The following LHFPL3 variants were observed in gnomAD, a reference collection of about 807,000 sequenced individuals.
LHFPL3 encodes the protein LHFPL tetraspan subfamily member 3.
Under a neutral mutation model 19.3 loss-of-function variants are expected in LHFPL3, and 5 were observed. The ratio of observed to expected loss-of-function variants is 0.26; its 90% confidence interval spans 0.14 to 0.54. LHFPL3 has a LOEUF of 0.54. Ranked by LOEUF, LHFPL3 falls within the 20% of genes least tolerant of loss-of-function variation. The pLI is 0.94. For missense variants in LHFPL3, 249 were observed against 307.4 expected, an observed-to-expected ratio of 0.81 and a Z score of 1.42; for synonymous variants, 133 against 126.2, an observed-to-expected ratio of 1.05 and a Z score of -0.36.
chr7:104,533,631 C>T (rs76368962), intron 1 of LHFPL3, among the ~76,000 whole-genome samples: 1 of 152,216 alleles, frequency 6.6e-6, no homozygotes, highest in African/African-American at 2.4e-5. Flanking sequence ...TCTTGACCAA[C>T]TCACCCAGGC....
intron 1 of LHFPL3, among the ~76,000 whole-genome samples, chr7:104,704,236 C>T (rs1793148294): frequency 6.6e-6 from 1 of 152,132 alleles, no homozygotes; most frequent in African/African-American, 2.4e-5. Flanking sequence ...TTTTTCATAG[C>T]ACCAGTTGTT....
intron 1 of LHFPL3, among the ~76,000 whole-genome samples, chr7:104,491,719 T>C (rs1342157985): frequency 6.6e-6 from 1 of 152,202 alleles, no homozygotes; most frequent in Non-Finnish European, 1.5e-5. Context: ...TGCACAGAAT[T>C]ATAAAAGCAC....
chr7:104,347,164 C>T (rs1014741086), intron 1 of LHFPL3, among the ~76,000 whole-genome samples: 15 of 152,078 alleles, frequency 9.9e-5, no homozygotes, highest in Admixed American at 7.9e-4. Flanking sequence ...GACAGGCAAT[C>T]CCAGAAAGAA....
intron 2 of LHFPL3, among the ~76,000 whole-genome samples, chr7:104,815,713 C>G (rs552854979): frequency 2.0e-5 from 3 of 152,296 alleles, no homozygotes; most frequent in Admixed American, 2.0e-4. Context: ...CAGATCTCCC[C>G]TGTGCCTACC....
chr7:104,744,080 A>C (rs1240342715), intron 2 of LHFPL3: 3 of 151,304 alleles, frequency 2.0e-5, no homozygotes, highest in African/African-American at 7.3e-5. Flanking sequence ...GCGAAGTCCT[A>C]GGCCCAAGGG....
At chr7:104,527,368 G>C (rs897091622) in intron 1 of LHFPL3, among the ~76,000 whole-genome samples, 1 of 152,142 alleles carries the variant, frequency 6.6e-6, no homozygotes, top group African/African-American at 2.4e-5. Context: ...CCAAGTAGGA[G>C]CTAAATAATT....
rs188515806 is a variant in LHFPL3 at position 104,901,389 on chromosome 7, T to C, written c.683-4798T>C. Among the ~76,000 whole-genome samples, 523 of 152,262 alleles carry C rather than the reference T, an allele frequency of 3.4e-3. 3 individuals carry two copies. The highest frequency in any genetic ancestry group is 0.012 in the African/African-American group (506 of 41,542). On this transcript the variant is annotated intron_variant, in intron 2 of 2. Coordinates refer to ENST00000424859, the MANE Select transcript of LHFPL3 (RefSeq NM_199000.3). ...ACTTCTGCATGCCCTGGGGTTTCTG[T>C]TGCGTGGTGGTGTCATGCAGTAGGA...
intron 2 of LHFPL3, among the ~76,000 whole-genome samples, chr7:104,755,555 CTT>C (rs1208563645): frequency 6.6e-6 from 1 of 150,492 alleles, no homozygotes; most frequent in African/African-American, 2.4e-5. Context: ...CTCTGTCTCT[CTT>C]TCTCTCCCCC....
chr7:104,420,500 G>A (rs1438966566), intron 1 of LHFPL3, among the ~76,000 whole-genome samples: 1 of 151,600 alleles, frequency 6.6e-6, no homozygotes, highest in Non-Finnish European at 1.5e-5. Context: ...GAAAATGGAA[G>A]ACAGTGATTT....
At chr7:104,564,851 G>A (rs1348127326) in intron 1 of LHFPL3, among the ~76,000 whole-genome samples, 2 of 152,134 alleles carry the variant, frequency 1.3e-5, no homozygotes, top group East Asian at 1.9e-4. Context: ...GATTCACATG[G>A]GGTTGAGAGA....
intron 1 of LHFPL3, among the ~76,000 whole-genome samples, chr7:104,549,329 G>A (rs542586043): frequency 1.3e-5 from 2 of 151,500 alleles, no homozygotes; most frequent in South Asian, 2.1e-4. Flanking sequence ...TCAGTGTTAC[G>A]CACATGGTAA....
At chr7:104,537,123 G>T (rs1237287803) in intron 1 of LHFPL3, among the ~76,000 whole-genome samples, 1 of 152,178 alleles carries the variant, frequency 6.6e-6, no homozygotes, top group African/African-American at 2.4e-5. Flanking sequence ...TAGTCCATCT[G>T]TTGAAGTGGG....
chr7:104,542,536 C>A (rs1794505512), intron 1 of LHFPL3, among the ~76,000 whole-genome samples: 1 of 151,982 alleles, frequency 6.6e-6, no homozygotes, highest in Non-Finnish European at 1.5e-5. Flanking sequence ...GCTCTGATAC[C>A]CAATTCTATT....
intron 1 of LHFPL3, among the ~76,000 whole-genome samples, chr7:104,649,573 G>A (rs1791992275): frequency 6.6e-6 from 1 of 152,202 alleles, no homozygotes; most frequent in Non-Finnish European, 1.5e-5. Context: ...CAGGAGACCA[G>A]CCCAGAGAGG....
chr7:104,669,489 A>G (rs1792429219), intron 1 of LHFPL3: 1 of 1,612,062 alleles, frequency 6.2e-7, no homozygotes, highest in Non-Finnish European at 8.5e-7. Flanking sequence ...AGGAAAATCC[A>G]GCTTCCAAGT....
intron 2 of LHFPL3, among the ~76,000 whole-genome samples, chr7:104,783,649 AC>A (rs1789855088): frequency 6.6e-6 from 1 of 152,228 alleles, no homozygotes; most frequent in African/African-American, 2.4e-5. Flanking sequence ...AGGATACCTA[AC>A]TACAAAAGAC....
At position 104,606,866 on chromosome 7, in the gene LHFPL3, A is replaced by G. The variant is rs148073991; in HGVS notation, c.446-129809A>G. On this transcript the variant is annotated intron_variant, in intron 1 of 2. Transcript: ENST00000424859. ...AAGGTGTGGAAAATGGTCCTCAGGC[A>G]CTGAGTCCGTCTCTGGGTGAGGCTA... Among the ~76,000 whole-genome samples, 917 of 152,228 alleles carry G rather than the reference A, an allele frequency of 6.0e-3. 9 individuals carry two copies. The highest frequency in any genetic ancestry group is 0.02 in the African/African-American group (830 of 41,518).
At position 104,418,699 on chromosome 7, in the gene LHFPL3, C is replaced by T. The variant is rs141967055; in HGVS notation, c.445+89475C>T. ...AAGTCACTGCAGAGCATAATGAGTC[C>T]AGAAGACTCAGAGAAGGGTCAGGTT... is the stretch of plus-strand genomic sequence containing the variant. On this transcript the variant is annotated intron_variant, in intron 1 of 2. Coordinates refer to ENST00000424859, the MANE Select transcript of LHFPL3 (RefSeq NM_199000.3). Among the ~76,000 whole-genome samples the T allele has an allele frequency of 3.5e-3, 540 of 152,226 alleles. 2 individuals are homozygous for T. Among genetic ancestry groups the T allele is most frequent in the African/African-American group, 0.012 (509 of 41,530 alleles).
intron 2 of LHFPL3, among the ~76,000 whole-genome samples, chr7:104,880,585 G>T (rs987596696): frequency 2.7e-4 from 41 of 151,962 alleles, no homozygotes; most frequent in African/African-American, 9.4e-4. Flanking sequence ...CTCTAGAAAT[G>T]GAACAACAAA....
Sources: gnomAD v4.1 joint callset for allele counts (sites outside exome capture counted in the v4.1 genomes callset) on GRCh38, gnomAD v4.1.1 for gene constraint, MANE v1.5 for transcripts, NCBI Gene and HGNC (gene_info 2026-07-23, HGNC 2026-07-21) for gene names.